Variants in MAP2K5 observed in about 807,000 individuals in gnomAD.
MAP2K5 encodes the protein mitogen-activated protein kinase kinase 5, also known as dual specificity mitogen-activated protein kinase kinase 5.
In MAP2K5, 49 loss-of-function variants were observed where a neutral mutation model predicts 83.1. That is an observed-to-expected ratio of 0.59 (90% CI 0.47 to 0.75). MAP2K5 has a LOEUF of 0.75. Among genes scored for constraint, MAP2K5 ranks in the 30% least tolerant of loss-of-function variants. The pLI is 0.00. For missense variants in MAP2K5, 457 were observed against 557.5 expected (o/e 0.82, Z 1.82); for synonymous variants, 202 against 191.8 (o/e 1.05, Z -0.44).
Position 67,747,847 on chromosome 15 carries a change from A to T in MAP2K5, c.1075-384A>T, listed in dbSNP as rs1196473652. On this transcript the variant is annotated intron_variant, in intron 17 of 21. Coordinates refer to ENST00000178640, the MANE Select transcript of MAP2K5 (RefSeq NM_145160.3). The surrounding 1 kb of genome is among the most constrained non-coding windows in gnomAD (Gnocchi z 4.1). ...ATGATTTAATTTCAATTTTAAATAA[A>T]TCGGTTTTTAATTTAAAAAGAGTGA... 6.6e-6 allele frequency among the ~76,000 whole-genome samples: 1 copy of T among 152,244 alleles called. No individual in the cohort carries two copies. Among genetic ancestry groups the T allele is most frequent in the Non-Finnish European group, 1.5e-5 (1 of 68,040 alleles).
chr15:67,580,380 A>G (rs7170299), intron 3 of MAP2K5, among the ~76,000 whole-genome samples: 62,889 of 152,028 alleles, frequency 0.41, 14,078 homozygotes, highest in Non-Finnish European at 0.51. Context: ...TCCAAGCCCA[A>G]TGTGAAGCTT....
In MAP2K5 at chr15:67,775,530, T is replaced by C. The variant is rs999493358; in HGVS notation, c.1242+2778T>C. Reference sequence around the variant, plus strand: ...AAATAATTGAATTTGTTAGTTGATATACCATTGTGCACAGTCTTGTTCTAG... The same window carrying C: ...AAATAATTGAATTTGTTAGTTGATACACCATTGTGCACAGTCTTGTTCTAG... On this transcript the variant is annotated intron_variant, in intron 21 of 21. Coordinates refer to ENST00000178640, the MANE Select transcript of MAP2K5 (RefSeq NM_145160.3). This position sits in a 1 kb window ranked among gnomAD's most constrained non-coding sequence, Gnocchi z 5.3. Among the ~76,000 whole-genome samples the C allele has an allele frequency of 6.6e-6, 1 of 152,228 alleles. No individual in the cohort carries two copies. The highest frequency in any genetic ancestry group is 1.5e-5 in the Non-Finnish European group (1 of 68,032).
intron 19 of MAP2K5, among the ~76,000 whole-genome samples, chr15:67,752,982 A>G (rs1264462330): frequency 6.6e-6 from 1 of 152,240 alleles, no homozygotes; most frequent in Non-Finnish European, 1.5e-5. Flanking sequence ...TCAAGATAGT[A>G]TGGTAGTGGT....
chr15:67,601,859 TG>T (rs922153209), intron 8 of MAP2K5, among the ~76,000 whole-genome samples: 3 of 152,232 alleles, frequency 2.0e-5, no homozygotes, highest in African/African-American at 7.2e-5. Flanking sequence ...AGGGCTTCAG[TG>T]CCCTTTGCAG....
intron 9 of MAP2K5, chr15:67,641,758 A>G: frequency 3.0e-6 from 1 of 335,832 alleles, no homozygotes; most frequent in African/African-American, 2.2e-5. Flanking sequence ...GAAAAAAATA[A>G]TGAAGAATCA....
At chr15:67,706,501 A>G (rs2088558358) in intron 16 of MAP2K5, among the ~76,000 whole-genome samples, 1 of 152,158 alleles carries the variant, frequency 6.6e-6, no homozygotes, top group African/African-American at 2.4e-5. Context: ...AGGAAGAGCT[A>G]GGCCTTTTGA....
intron 8 of MAP2K5, among the ~76,000 whole-genome samples, chr15:67,603,662 C>G (rs1024462188): frequency 2.0e-5 from 3 of 151,980 alleles, no homozygotes; most frequent in Non-Finnish European, 4.4e-5. Context: ...TTCTTATATC[C>G]CTGGCTTTTA....
intron 19 of MAP2K5, among the ~76,000 whole-genome samples, chr15:67,756,158 A>G (rs1323645414): frequency 6.6e-6 from 1 of 152,202 alleles, no homozygotes; most frequent in African/African-American, 2.4e-5. Flanking sequence ...TACAAGGGAC[A>G]CTGTGTTTTA....
In MAP2K5 at chr15:67,572,495, G is replaced by A. The variant is rs559134466; in HGVS notation, c.253-8259G>A. Among the ~76,000 whole-genome samples the A allele has an allele frequency of 1.3e-5, 2 of 152,220 alleles. No homozygotes were observed. Among genetic ancestry groups the A allele is most frequent in the African/African-American group, 4.8e-5 (2 of 41,534 alleles). Reference sequence around the variant, plus strand: ...TGCAAAGTGAAAGTAAGTTTATTAAGAAAGTAAAGTGGTGAAAGAATAGCT... The same window carrying A: ...TGCAAAGTGAAAGTAAGTTTATTAAAAAAGTAAAGTGGTGAAAGAATAGCT... On this transcript the variant is annotated intron_variant, in intron 3 of 21. Coordinates refer to ENST00000178640, the MANE Select transcript of MAP2K5 (RefSeq NM_145160.3). This position sits in a 1 kb window ranked among gnomAD's most constrained non-coding sequence, Gnocchi z 4.2.
chr15:67,806,751 G>A lies in MAP2K5; in HGVS notation c.*1G>A. ...GCGGAGCCAGCAGGGGCCCCCGTGA[G>A]GCTGCCGCAGGGCACTGAAAGCCCA... On this transcript the variant is annotated 3_prime_UTR_variant, in exon 22 of 22. Transcript: ENST00000178640. 2 of 1,558,154 alleles carry A rather than the reference G, an allele frequency of 1.3e-6. No homozygotes were observed. Among genetic ancestry groups the A allele is most frequent in the Non-Finnish European group, 1.7e-6 (2 of 1,154,258 alleles).
chr15:67,771,984 A>C (rs1001704259), intron 20 of MAP2K5, among the ~76,000 whole-genome samples: 1 of 152,234 alleles, frequency 6.6e-6, no homozygotes, highest in African/African-American at 2.4e-5. Flanking sequence ...TGAGTGCTTC[A>C]TCACATAGCT....
intron 9 of MAP2K5, chr15:67,642,424 G>A (rs2086734291): frequency 6.2e-7 from 1 of 1,609,672 alleles, no homozygotes; most frequent in Non-Finnish European, 8.5e-7. Context: ...TAGGAGATGA[G>A]GGATGCATGC....
At chr15:67,659,026 T>G (rs1434640479) in intron 12 of MAP2K5, 1 of 252,922 alleles carries the variant, frequency 4.0e-6, no homozygotes, top group Non-Finnish European at 7.9e-6. Context: ...CAAAGTAGTA[T>G]TAGTAAAGAT....
In MAP2K5 at chr15:67,806,697, A is replaced by G. The variant is rs2090816636; in HGVS notation, c.1294A>G (p.Met432Val). 2 of 1,551,996 alleles carry G rather than the reference A, an allele frequency of 1.3e-6. No individual in the cohort carries two copies. Among genetic ancestry groups the G allele is most frequent in the African/African-American group, 2.7e-5 (2 of 73,266 alleles). Reference sequence around the variant, plus strand: ...TGATGGAAATGCCGCCGTGGTGTCCATGTGGGTGTGCCGGGCGCTGGAGGA... The same window carrying G: ...TGATGGAAATGCCGCCGTGGTGTCCGTGTGGGTGTGCCGGGCGCTGGAGGA... ...FNDGNAAVVS[M>V]WVCRALEERR... The change falls in exon 22 of 22, where the codon ATG becomes GTG. Residue 432 changes from methionine (M) to valine (V), a missense_variant. Physicochemically the swap from Met to Val is conservative, Grantham distance 21. This residue lies in a region of MAP2K5 where 55 missense variants were observed against 50.9 expected (regional missense o/e 1.08). Transcript: ENST00000178640.
chr15:67,725,145 G>A (rs2089060125), intron 16 of MAP2K5, among the ~76,000 whole-genome samples: 2 of 152,196 alleles, frequency 1.3e-5, no homozygotes, highest in African/African-American at 4.8e-5. Flanking sequence ...CTGGTACAGA[G>A]AGGCTCCCAG....
intron 8 of MAP2K5, among the ~76,000 whole-genome samples, chr15:67,608,942 G>C (rs905657567): frequency 4.6e-5 from 7 of 152,288 alleles, no homozygotes; most frequent in South Asian, 2.1e-4. Context: ...GGCACTTAGT[G>C]AGTGTTTCAG....
At chr15:67,704,350 A>C (rs2088499402) in intron 16 of MAP2K5, among the ~76,000 whole-genome samples, 1 of 152,204 alleles carries the variant, frequency 6.6e-6, no homozygotes, top group South Asian at 2.1e-4. Flanking sequence ...TGGACTTCCC[A>C]AAGTGCTGGG....
At chr15:67,674,363 C>T (rs2087626690) in intron 13 of MAP2K5, among the ~76,000 whole-genome samples, 1 of 152,132 alleles carries the variant, frequency 6.6e-6, no homozygotes, top group Non-Finnish European at 1.5e-5. Context: ...AGTTAACATC[C>T]TATCTCCTGT....
chr15:67,706,014 C>G (rs1475115156), intron 16 of MAP2K5, among the ~76,000 whole-genome samples: 2 of 152,142 alleles, frequency 1.3e-5, no homozygotes, highest in Non-Finnish European at 2.9e-5. Context: ...AGGTATTACT[C>G]TTAGAAGAAA....
Sources: allele counts gnomAD v4.1 joint callset (sites outside exome capture counted in the v4.1 genomes callset), GRCh38; gene constraint gnomAD v4.1.1; regional missense constraint gnomAD v4.1.1; non-coding constraint Gnocchi (gnomAD v3.1); transcripts MANE v1.5; gene names NCBI Gene and HGNC (gene_info 2026-07-23, HGNC 2026-07-21).